DUSP11: variants seen among roughly 807,000 people sequenced by gnomAD.
DUSP11 encodes the protein RNA/RNP complex-1-interacting phosphatase.
In DUSP11, 27 loss-of-function variants were observed where a neutral mutation model predicts 41.4. That is an observed-to-expected ratio of 0.65 (90% CI 0.48 to 0.90). DUSP11 has a LOEUF of 0.90. Ranked by LOEUF, DUSP11 falls within the 40% of genes least tolerant of loss-of-function variation. DUSP11 has a pLI of 0.00. For missense variants in DUSP11, 465 were observed against 461.1 expected, an observed-to-expected ratio of 1.01 and a Z score of -0.08; for synonymous variants, 188 against 159.3, an observed-to-expected ratio of 1.18 and a Z score of -1.35.
At chr2:73,775,412 T>C (rs1210043907) in intron 2 of DUSP11, among the ~76,000 whole-genome samples, 4 of 147,896 alleles carry the variant, frequency 2.7e-5, no homozygotes, top group Non-Finnish European at 6.0e-5. Flanking sequence ...TGCTCTGTCA[T>C]CCGTCATCCA....
chr2:73,762,863 A>G lies in DUSP11; in HGVS notation c.936-4T>C, dbSNP rs771541836. The G allele has an allele frequency of 1.3e-6, 2 of 1,547,808 alleles. No homozygotes were observed. Among genetic ancestry groups the G allele is most frequent in the Non-Finnish European group, 1.8e-6 (2 of 1,141,308 alleles). On this transcript the variant is annotated splice_region_variant and splice_polypyrimidine_tract_variant and intron_variant, in intron 8 of 8. Transcript: ENST00000272444. ...ATGTGGATTCTCTGAAAATTTTCTT[A>G]AAGCAAAACAAAAAGTAATAAGCCA...
At chr2:73,767,161 A>T (rs1180055283) in exon 6 of DUSP11, 2 of 1,609,908 alleles carry the variant, frequency 1.2e-6, no homozygotes, top group African/African-American at 2.7e-5. Flanking sequence ...TCATACTTAC[A>T]TTCAATTGCA....
chr2:73,765,888 A>G (rs1672450784), intron 8 of DUSP11, among the ~76,000 whole-genome samples: 1 of 152,248 alleles, frequency 6.6e-6, no homozygotes, highest in Non-Finnish European at 1.5e-5. Flanking sequence ...AAAATCAATC[A>G]AAATTTCTAA....
chr2:73,776,867 G>A (rs2103949517), intron 2 of DUSP11, among the ~76,000 whole-genome samples: 1 of 152,318 alleles, frequency 6.6e-6, no homozygotes, highest in South Asian at 2.1e-4. Flanking sequence ...GGATTGTTGT[G>A]AAATGTGTTA....
At chr2:73,762,521 C>G in exon 9 of DUSP11, 1 of 510,348 alleles carries the variant, frequency 2.0e-6, no homozygotes, top group Non-Finnish European at 3.4e-6. Flanking sequence ...AAGAGGTAAA[C>G]AGCAATGCAA....
intron 2 of DUSP11, 49 bp downstream of exon 2, chr2:73,778,252 C>T: frequency 7.8e-7 from 1 of 1,276,370 alleles, no homozygotes; most frequent in Non-Finnish European, 1.1e-6. Flanking sequence ...CAGTGTTCTG[C>T]ATGGTGAACT....
chr2:73,779,611 A>T, intron 1 of DUSP11: 1 of 555,720 alleles, frequency 1.8e-6, no homozygotes, highest in Non-Finnish European at 3.2e-6. Flanking sequence ...TAACAGTCCC[A>T]CCTTAAAGCA....
intron 5 of DUSP11, 30 bp downstream of exon 5, chr2:73,769,235 A>G: frequency 6.3e-7 from 1 of 1,590,272 alleles, no homozygotes; most frequent in Non-Finnish European, 8.6e-7. Context: ...AACAATTTAA[A>G]ATGGTCTGCC....
chr2:73,766,145 T>C (rs1237958410), intron 8 of DUSP11, among the ~76,000 whole-genome samples: 1 of 151,874 alleles, frequency 6.6e-6, no homozygotes, highest in Non-Finnish European at 1.5e-5. Context: ...CCATCTCTAC[T>C]AAAAATACAA....
At chr2:73,771,299 C>T (rs1672568356) in intron 4 of DUSP11, among the ~76,000 whole-genome samples, 1 of 152,188 alleles carries the variant, frequency 6.6e-6, no homozygotes, top group Admixed American at 6.5e-5. Context: ...TCTAGTCACA[C>T]AAGAGGCTGC....
At chr2:73,762,747 T>G (rs1277587320) in exon 9 of DUSP11, 13 of 1,613,750 alleles carry the variant, frequency 8.1e-6, no homozygotes, top group African/African-American at 1.3e-5. Flanking sequence ...GCTGCCCGAC[T>G]GGCATTGGGC....
rs1481113305 is a variant in DUSP11, at chr2:73,762,637, G to A, written c.*24C>T. 10 of 1,577,924 alleles carry A rather than the reference G, an allele frequency of 6.3e-6. No homozygotes were observed. In the African/African-American group the frequency reaches 1.2e-4, roughly 19 times the overall value. On this transcript the variant is annotated 3_prime_UTR_variant, in exon 9 of 9. Transcript: ENST00000272444. ...TTTTCAGGCCAGCTCTGGTCTCCAG[G>A]TAGAATTCCAGGACAGGTTTGTATC...
chr2:73,766,809 T>G lies in DUSP11; in HGVS notation c.758+19A>C, dbSNP rs1371819653. 6.3e-7 allele frequency: 1 copy of G among 1,581,656 alleles called. No individual in the cohort carries two copies. Among genetic ancestry groups the G allele is most frequent in the Non-Finnish European group, 8.7e-7 (1 of 1,151,730 alleles). On this transcript the variant is annotated intron_variant, in intron 7 of 8. Coordinates refer to ENST00000272444, the Ensembl canonical transcript of DUSP11. ...ATCTCCCTGACCCACAAATCTCACA[T>G]ATATAACATAAGACTTACTTTCTGA... is the stretch of plus-strand genomic sequence containing the variant.
intron 8 of DUSP11, 97 bp from the exon 9 acceptor site, chr2:73,762,956 A>G (rs1247686093): frequency 1.2e-5 from 6 of 506,704 alleles, no homozygotes; most frequent in Non-Finnish European, 1.7e-5. Context: ...TTTTAAATTT[A>G]TAAATTTACA....
At chr2:73,767,033 G>T in intron 6 of DUSP11, 128 bp downstream of exon 6, 1 of 1,228,078 alleles carries the variant, frequency 8.1e-7, no homozygotes, top group Non-Finnish European at 1.2e-6. Context: ...ATAGACTTTT[G>T]GCAAGACTAT....
Position 73,780,083 on chromosome 2 carries a change from T to C in DUSP11, c.33A>G (p.Val11=), listed in dbSNP as rs765095433. The C allele has an allele frequency of 1.4e-5, 22 of 1,581,370 alleles. No individual in the cohort carries two copies. In the East Asian group the frequency reaches 1.4e-4, roughly 10 times the overall value. ...AACAGGAAAAGACTCGGCAGCCACC[T>C]ACGCCGCGCTCCAGCGTCTCGCTAT... Residue 11 remains valine (V), a synonymous_variant, in exon 1 of 9, where the codon GTA becomes GTG. Transcript: ENST00000272444.
At chr2:73,776,407 C>A (rs1333487804) in intron 2 of DUSP11, among the ~76,000 whole-genome samples, 1 of 115,140 alleles carries the variant, frequency 8.7e-6, no homozygotes, top group Non-Finnish European at 1.8e-5. Context: ...AAGCGAGACA[C>A]CATCTCAAAA....
At position 73,775,051 on chromosome 2, in the gene DUSP11, C is replaced by G. The variant is rs111539317; in HGVS notation, c.319-7G>C. 1,313 of 1,607,666 alleles carry G rather than the reference C, an allele frequency of 8.2e-4. 10 individuals are homozygous for G. The African/African-American group carries it at 0.015, about 19-fold the overall frequency. The stretch of plus-strand genomic sequence containing the variant: ...CAAGTTTCTTTTCAAAACTCTGTCA[C>G]AGAGAATGAAATAAGAGCAAATATG... On this transcript the variant is annotated splice_polypyrimidine_tract_variant and splice_region_variant and intron_variant, in intron 2 of 8. Coordinates refer to ENST00000272444, the Ensembl canonical transcript of DUSP11.
intron 2 of DUSP11, among the ~76,000 whole-genome samples, chr2:73,776,575 AAATG>A (rs1450158134): frequency 3.9e-5 from 6 of 152,150 alleles, no homozygotes; most frequent in African/African-American, 1.4e-4. Flanking sequence ...CATTTGTTAC[AAATG>A]AAGAACCAAC....
Sources: gnomAD v4.1 joint callset for allele counts (sites outside exome capture counted in the v4.1 genomes callset) on GRCh38, gnomAD v4.1.1 for gene constraint, MANE v1.5 for transcripts, NCBI Gene and HGNC (gene_info 2026-07-23, HGNC 2026-07-21) for gene names.